MLLT3: variants seen among roughly 807,000 people sequenced by gnomAD.
MLLT3 encodes protein AF-9.
In MLLT3, 4 loss-of-function variants were observed where a neutral mutation model predicts 53.2. That is an observed-to-expected ratio of 0.08 (90% CI 0.04 to 0.17). MLLT3 has a LOEUF of 0.17. Ranked by LOEUF, MLLT3 falls within the 10% of genes least tolerant of loss-of-function variation. The pLI, the probability that MLLT3 is intolerant of heterozygous loss-of-function variation, is 1.00. For synonymous variants in MLLT3, 283 were observed against 230.6 expected (o/e 1.23, Z -2.06); for missense variants, 569 against 684.0 (o/e 0.83, Z 1.87).
chr9:20,455,668 A>G (rs1041290605), intron 3 of MLLT3, among the ~76,000 whole-genome samples: 1 of 152,178 alleles, frequency 6.6e-6, no homozygotes, highest in African/African-American at 2.4e-5. Flanking sequence ...ACTTTTCAGC[A>G]GGTTTTAGAA....
chr9:20,524,100 AT>A (rs1818139162), intron 2 of MLLT3, among the ~76,000 whole-genome samples: 1 of 152,094 alleles, frequency 6.6e-6, no homozygotes, highest in East Asian at 1.9e-4. Flanking sequence ...GCTCTATGTG[AT>A]TCTATAATGG....
chr9:20,412,204 A>G (rs1235638472), intron 5 of MLLT3, among the ~76,000 whole-genome samples: 2 of 152,208 alleles, frequency 1.3e-5, no homozygotes, highest in African/African-American at 4.8e-5. Context: ...ATTGGAAACA[A>G]AAGTCAAACA....
intron 5 of MLLT3, among the ~76,000 whole-genome samples, chr9:20,384,189 A>T (rs909278071): frequency 6.6e-6 from 1 of 152,014 alleles, no homozygotes; most frequent in African/African-American, 2.4e-5. Flanking sequence ...AAAGACAAAA[A>T]CAGATGGATG....
intron 5 of MLLT3, among the ~76,000 whole-genome samples, chr9:20,384,619 T>C (rs938620606): frequency 6.6e-6 from 1 of 152,084 alleles, no homozygotes; most frequent in African/African-American, 2.4e-5. Context: ...ATGCAGGTGT[T>C]GGATAATTAT....
At chr9:20,571,490 T>C (rs565551759) in intron 2 of MLLT3, among the ~76,000 whole-genome samples, 1 of 152,356 alleles carries the variant, frequency 6.6e-6, no homozygotes, top group African/African-American at 2.4e-5. Flanking sequence ...GTGCAGAACA[T>C]GCAGGTTTGT....
At chr9:20,429,009 G>A (rs1170505043) in intron 4 of MLLT3, among the ~76,000 whole-genome samples, 1 of 152,080 alleles carries the variant, frequency 6.6e-6, no homozygotes, top group Admixed American at 6.6e-5. Flanking sequence ...CAAGCCCACA[G>A]GGTTTTAGAA....
At chr9:20,551,005 T>C (rs183220766) in intron 2 of MLLT3, among the ~76,000 whole-genome samples, 87 of 152,226 alleles carry the variant, frequency 5.7e-4, no homozygotes, top group African/African-American at 2.0e-3. Context: ...CCTCAAGTAA[T>C]CCTCCCACCT....
At chr9:20,438,466 G>A (rs1823461830) in intron 4 of MLLT3, among the ~76,000 whole-genome samples, 3 of 152,178 alleles carry the variant, frequency 2.0e-5, no homozygotes, top group Non-Finnish European at 2.9e-5. Flanking sequence ...GGCTGGGGCT[G>A]TAGTGCAGTA....
intron 2 of MLLT3, among the ~76,000 whole-genome samples, chr9:20,519,863 A>T (rs1168813737): frequency 6.6e-6 from 1 of 152,226 alleles, no homozygotes; most frequent in African/African-American, 2.4e-5. Context: ...ACCCAAAGGA[A>T]TATAAATCAT....
chr9:20,492,849 C>A (rs1824983719), intron 2 of MLLT3, among the ~76,000 whole-genome samples: 2 of 151,992 alleles, frequency 1.3e-5, no homozygotes, highest in South Asian at 4.2e-4. Context: ...TTTTCTCTGT[C>A]TATAAATTTA....
intron 6 of MLLT3, 53 bp from the exon 7 acceptor site, chr9:20,363,658 A>G: frequency 6.3e-7 from 1 of 1,579,652 alleles, no homozygotes; most frequent in Non-Finnish European, 8.6e-7. Context: ...AAACACACTT[A>G]GCCATATTAG....
chr9:20,514,938 A>C (rs1019279340), intron 2 of MLLT3, among the ~76,000 whole-genome samples: 3 of 134,526 alleles, frequency 2.2e-5, no homozygotes, highest in Non-Finnish European at 4.6e-5. Flanking sequence ...TTGAAGGAAC[A>C]ATTTTTTTTT....
At chr9:20,386,588 C>A in intron 5 of MLLT3, among the ~76,000 whole-genome samples, 1 of 152,212 alleles carries the variant, frequency 6.6e-6, no homozygotes, top group East Asian at 1.9e-4. Flanking sequence ...TCAGCTGTCA[C>A]AGTCATCACT....
At chr9:20,455,375 G>A (rs1823939609) in intron 3 of MLLT3, among the ~76,000 whole-genome samples, 1 of 152,232 alleles carries the variant, frequency 6.6e-6, no homozygotes. Context: ...AGGCCAGTGT[G>A]ACACTGTTCC....
chr9:20,597,078 C>T (rs1820291979), intron 2 of MLLT3, among the ~76,000 whole-genome samples: 1 of 151,870 alleles, frequency 6.6e-6, no homozygotes, highest in Non-Finnish European at 1.5e-5. Flanking sequence ...TCCTTAATTT[C>T]ATTTTCAGAT....
At chr9:20,393,745 A>G (rs1446487953) in intron 5 of MLLT3, among the ~76,000 whole-genome samples, 1 of 152,200 alleles carries the variant, frequency 6.6e-6, no homozygotes, top group Non-Finnish European at 1.5e-5. Context: ...TTTTTCAATT[A>G]TGTAGTAATT....
intron 2 of MLLT3, among the ~76,000 whole-genome samples, chr9:20,573,773 T>G (rs1819588787): frequency 6.6e-6 from 1 of 152,216 alleles, no homozygotes; most frequent in African/African-American, 2.4e-5. Context: ...TAACAGTAAC[T>G]AATTATTGAG....
chr9:20,597,285 T>C (rs1289238602), intron 2 of MLLT3, among the ~76,000 whole-genome samples: 2 of 151,860 alleles, frequency 1.3e-5, no homozygotes, highest in Non-Finnish European at 2.9e-5. Flanking sequence ...CTTTTATTTA[T>C]CTAGGGCCTT....
intron 2 of MLLT3, among the ~76,000 whole-genome samples, chr9:20,522,202 C>G (rs1225397701): frequency 6.8e-6 from 1 of 146,372 alleles, no homozygotes. Flanking sequence ...AGTACAGAAA[C>G]AAGTTCCATA....
Sources: gnomAD v4.1 joint callset for allele counts (sites outside exome capture counted in the v4.1 genomes callset) on GRCh38, gnomAD v4.1.1 for gene constraint, MANE v1.5 for transcripts, NCBI Gene and HGNC (gene_info 2026-07-23, HGNC 2026-07-21) for gene names.